The following PNPLA6 variants were observed in gnomAD, a reference collection of about 807,000 sequenced individuals.
The protein encoded by PNPLA6 is patatin like domain 6, lysophospholipase, also known as patatin-like phospholipase domain-containing protein 6.
In PNPLA6, 105 loss-of-function variants were observed where a neutral mutation model predicts 153.7. The observed-to-expected ratio is 0.68, with a 90% confidence interval of 0.58 to 0.80. The LOEUF (loss-of-function observed/expected upper bound fraction) is 0.80, where lower values mean the gene tolerates loss of function less well. Ranked by LOEUF, PNPLA6 falls within the 30% of genes least tolerant of loss-of-function variation. PNPLA6 has a pLI of 0.00. For synonymous variants in PNPLA6, 825 were observed against 822.2 expected, an observed-to-expected ratio of 1.00 and a Z score of -0.06; for missense variants, 1,423 against 1,919.3, an observed-to-expected ratio of 0.74 and a Z score of 4.83.
chr19:7,561,569 C>A lies in PNPLA6; in HGVS notation c.*7C>A. 6.3e-7 allele frequency: 1 copy of A among 1,583,816 alleles called. No individual in the cohort carries two copies. The highest frequency in any genetic ancestry group is 1.8e-5 in the Admixed American group (1 of 57,006). ...CTCAGCCACAGATGCCTGAGGACCTCGACAGGGGTCACCCCCTCCCTCCCA... is the reference window on the plus strand; with the variant it reads ...CTCAGCCACAGATGCCTGAGGACCTAGACAGGGGTCACCCCCTCCCTCCCA... On this transcript the variant is annotated 3_prime_UTR_variant, in exon 32 of 32. Coordinates refer to ENST00000600737, the MANE Select transcript of PNPLA6 (RefSeq NM_001166114.2).
At position 7,541,638 on chromosome 19, in the gene PNPLA6, A is replaced by T. The variant is rs964715857; in HGVS notation, c.1122A>T (p.Pro374=). ...CTACAGACGAGCCCAGGGAGACCCC[A>T]GGGCGGCCACCCGATCCCACCGGGG... ...TSATDEPRET[P]GRPPDPTGAP... Residue 374 remains proline (P), a synonymous_variant, in exon 9 of 32, where the codon CCA becomes CCT. Coordinates refer to ENST00000600737, the MANE Select transcript of PNPLA6 (RefSeq NM_001166114.2). The surrounding 1 kb of genome is among the most constrained non-coding windows in gnomAD (Gnocchi z 5.2). 6.3e-7 allele frequency: 1 copy of T among 1,586,798 alleles called. No homozygotes were observed. Among genetic ancestry groups the T allele is most frequent in the Non-Finnish European group, 8.6e-7 (1 of 1,167,464 alleles).
chr19:7,534,255 C>T (rs2022738022), upstream of PNPLA6: 9 of 300,550 alleles, frequency 3.0e-5, no homozygotes, highest in South Asian at 2.8e-4. Flanking sequence ...TCTGGGTTTC[C>T]GTTAGCCTCG....
rs1184799907 is a variant in PNPLA6 at position 7,536,282 on chromosome 19, G to T, written c.315+9G>T. On this transcript the variant is annotated intron_variant, in intron 2 of 31. Coordinates refer to ENST00000600737, the MANE Select transcript of PNPLA6 (RefSeq NM_001166114.2). ...GGAAGATTATGCGGAAGGTGAGTCC[G>T]GGACCCCTGGGGTCCGCCCTGACCA... 9 of 1,604,820 alleles carry T rather than the reference G, an allele frequency of 5.6e-6. No homozygotes were observed. Among genetic ancestry groups the T allele is most frequent in the Non-Finnish European group, 7.7e-6 (9 of 1,171,664 alleles).
In PNPLA6 at chr19:7,541,320, C is replaced by G. The variant is rs1221413825; in HGVS notation, c.925-34C>G. 6.3e-7 allele frequency: 1 copy of G among 1,593,576 alleles called. No individual in the cohort carries two copies. The highest frequency in any genetic ancestry group is 2.2e-5 in the East Asian group (1 of 44,660). On this transcript the variant is annotated intron_variant, in intron 7 of 31. Coordinates refer to ENST00000600737, the MANE Select transcript of PNPLA6 (RefSeq NM_001166114.2). The surrounding 1 kb of genome is among the most constrained non-coding windows in gnomAD (Gnocchi z 5.2). Reference sequence around the variant, plus strand: ...CATCTGGCCCTGCCCCTTACCCCGCCCCATCTTATGGCCACGCCCCTCGAG... The same window carrying G: ...CATCTGGCCCTGCCCCTTACCCCGCGCCATCTTATGGCCACGCCCCTCGAG...
In PNPLA6 at chr19:7,541,733, G is replaced by C. The variant is rs2023153144; in HGVS notation, c.1168+49G>C. 6.5e-7 allele frequency: 1 copy of C among 1,534,332 alleles called. No homozygotes were observed. Among genetic ancestry groups the C allele is most frequent in the Non-Finnish European group, 8.8e-7 (1 of 1,140,574 alleles). Reference sequence around the variant, plus strand: ...CGAGCCCAATCTCCCAGGAAGCCCCGTCTCAGCCGCCAGCCCCTTTTTCAG... The same window carrying C: ...CGAGCCCAATCTCCCAGGAAGCCCCCTCTCAGCCGCCAGCCCCTTTTTCAG... On this transcript the variant is annotated intron_variant, in intron 9 of 31. Coordinates refer to ENST00000600737, the MANE Select transcript of PNPLA6 (RefSeq NM_001166114.2). This position sits in a 1 kb window ranked among gnomAD's most constrained non-coding sequence, Gnocchi z 5.2.
At chr19:7,537,993 G>A (rs1261394735) in intron 3 of PNPLA6, among the ~76,000 whole-genome samples, 1 of 152,000 alleles carries the variant, frequency 6.6e-6, no homozygotes, top group East Asian at 1.9e-4. Flanking sequence ...AGTTCCCCAT[G>A]ATCAGTTGAG....
intron 31 of PNPLA6, 36 bp downstream of exon 31, chr19:7,561,353 C>T: frequency 3.3e-6 from 5 of 1,505,954 alleles, no homozygotes; most frequent in East Asian, 4.6e-5. Flanking sequence ...CTCACATCCC[C>T]CAGAGGGTCA....
rs545950884 is a variant in PNPLA6, at chr19:7,556,890, C to T, written c.3280+166C>T. On this transcript the variant is annotated intron_variant, in intron 26 of 31. Transcript: ENST00000600737. ...CCACCCACTAATGCCCCGGAGACCC[C>T]AGGTACGTCCGTCCTTGGGGGAGGG... The T allele has an allele frequency of 1.3e-5, 9 of 703,494 alleles. No homozygotes were observed. In the East Asian group the frequency reaches 2.4e-4, roughly 19 times the overall value. 43.6% of individuals were successfully genotyped at this position (703,494 alleles called of 1,614,324 possible). A position where few individuals can be genotyped will look rare whatever the true frequency, so the allele number is the denominator to read the frequency against.
intron 20 of PNPLA6, 99 bp downstream of exon 20, chr19:7,554,371 C>T (rs1162791971): frequency 7.7e-7 from 1 of 1,303,276 alleles, no homozygotes; most frequent in East Asian, 2.3e-5. Flanking sequence ...AACCACGGAG[C>T]CTGCGTCTTA....
Position 7,558,764 on chromosome 19 carries a change from G to C in PNPLA6, c.3398-86G>C, listed in dbSNP as rs1005347542. The C allele has an allele frequency of 1.7e-5, 15 of 901,918 alleles. No individual in the cohort carries two copies. In the African/African-American group the frequency reaches 2.5e-4, roughly 15 times the overall value. The allele number at this position is 901,918 out of a possible 1,614,324, so 55.9% of individuals were successfully genotyped here. On this transcript the variant is annotated intron_variant, in intron 27 of 31. Coordinates refer to ENST00000600737, the MANE Select transcript of PNPLA6 (RefSeq NM_001166114.2). ...CTCTTTTTTTTTTGCGTGATCATTT[G>C]CATGATGGCATCTGTGGGACTGGGT...
Position 7,555,443 on chromosome 19 carries a change from G to A in PNPLA6, c.2936+76G>A, listed in dbSNP as rs1156434928. On this transcript the variant is annotated intron_variant, in intron 23 of 31. Transcript: ENST00000600737. This position sits in a 1 kb window ranked among gnomAD's most constrained non-coding sequence, Gnocchi z 6.3. ...GAGCTTCCTGGGAGAAACCGTGGGG[G>A]CGGGGCCTGGGTGTTCGAGGGTGGA... 2.4e-5 allele frequency: 33 copies of A among 1,349,812 alleles called. No homozygotes were observed. The highest frequency in any genetic ancestry group is 4.0e-5 in the Admixed American group (2 of 50,392). 83.6% of individuals were successfully genotyped at this position (1,349,812 alleles called of 1,614,324 possible).
At position 7,541,740 on chromosome 19, in the gene PNPLA6, C is replaced by T. The variant is rs181372137; in HGVS notation, c.1168+56C>T. On this transcript the variant is annotated intron_variant, in intron 9 of 31. Transcript: ENST00000600737. The surrounding 1 kb of genome is among the most constrained non-coding windows in gnomAD (Gnocchi z 5.2). ...AATCTCCCAGGAAGCCCCGTCTCAG[C>T]CGCCAGCCCCTTTTTCAGTTCTGCA... The T allele has an allele frequency of 8.5e-6, 13 of 1,520,478 alleles. No individual in the cohort carries two copies. In the East Asian group the frequency reaches 3.2e-4, roughly 37 times the overall value. 94.2% of individuals were successfully genotyped at this position (1,520,478 alleles called of 1,614,324 possible).
Position 7,535,842 on chromosome 19 carries a change from G to T in PNPLA6, c.54G>T (p.Ala18=), listed in dbSNP as rs1301489176. 3.3e-6 allele frequency: 5 copies of T among 1,537,596 alleles called. No individual in the cohort carries two copies. Among genetic ancestry groups the T allele is most frequent in the Non-Finnish European group, 3.5e-6 (4 of 1,147,090 alleles). The change falls in exon 1 of 32, where the codon GCG becomes GCT. Residue 18 remains alanine, a synonymous_variant. Transcript: ENST00000600737. The surrounding 1 kb of genome is among the most constrained non-coding windows in gnomAD (Gnocchi z 5.0). ...CGAACTCCTCGGGGGCGAAGGTGGCGGAGAGGGATGGGTTCCAGGACGTCC... is the reference window on the plus strand; with the variant it reads ...CGAACTCCTCGGGGGCGAAGGTGGCTGAGAGGGATGGGTTCCAGGACGTCC... ...LATNSSGAKV[A]ERDGFQDVLA... is the part of the protein sequence containing the mutation.
chr19:7,560,540 C>A, intron 28 of PNPLA6, 108 bp from the exon 29 acceptor site: 1 of 801,966 alleles, frequency 1.2e-6, no homozygotes, highest in Non-Finnish European at 2.2e-6. Flanking sequence ...GTCTCAAATG[C>A]AACTCCCCCA....
At position 7,535,944 on chromosome 19, in the gene PNPLA6, G is replaced by T; in HGVS notation, c.156G>T (p.Val52=). 6.3e-7 allele frequency: 1 copy of T among 1,586,496 alleles called. No homozygotes were observed. The highest frequency in any genetic ancestry group is 8.5e-7 in the Non-Finnish European group (1 of 1,171,030). Residue 52 remains valine (V), a synonymous_variant, in exon 1 of 32, where the codon GTG becomes GTT. Transcript: ENST00000600737. This position sits in a 1 kb window ranked among gnomAD's most constrained non-coding sequence, Gnocchi z 5.0. ...PVPFVPQVLG[V]MIGAGVAVVV... is the part of the protein sequence containing the mutation. ...CGTTCGTCCCTCAGGTGCTTGGCGT[G>T]ATGATCGGGGCCGGAGTGGCGGTGG...
intron 16 of PNPLA6, 101 bp from the exon 17 acceptor site, chr19:7,550,893 G>A: frequency 2.0e-6 from 2 of 978,010 alleles, no homozygotes; most frequent in Non-Finnish European, 3.1e-6. Context: ...CACCCCCATT[G>A]CAGGGGAGCC....
At position 7,541,952 on chromosome 19, in the gene PNPLA6, G is replaced by A; in HGVS notation, c.1169-32G>A. 1 of 1,569,812 alleles carries A rather than the reference G, an allele frequency of 6.4e-7. No individual in the cohort carries two copies. Among genetic ancestry groups the A allele is most frequent in the Non-Finnish European group, 8.7e-7 (1 of 1,146,024 alleles). On this transcript the variant is annotated intron_variant, in intron 9 of 31. Coordinates refer to ENST00000600737, the MANE Select transcript of PNPLA6 (RefSeq NM_001166114.2). This position sits in a 1 kb window ranked among gnomAD's most constrained non-coding sequence, Gnocchi z 5.2. ...CTGCTAATCCTCCTAGTGGCTCTGA[G>A]GGGCAGGAGCCTGAACATGTGTCTC... is the stretch of plus-strand genomic sequence containing the variant.
chr19:7,538,372 G>A (rs1238568262), intron 3 of PNPLA6, among the ~76,000 whole-genome samples: 1 of 151,922 alleles, frequency 6.6e-6, no homozygotes, highest in Non-Finnish European at 1.5e-5. Context: ...TGTAGAGATG[G>A]GAGTCTCACT....
upstream of PNPLA6, chr19:7,535,693 G>A (rs947243651): frequency 2.1e-4 from 328 of 1,525,810 alleles, no homozygotes; most frequent in Non-Finnish European, 2.6e-4. This position sits in a 1 kb window ranked among gnomAD's most constrained non-coding sequence, Gnocchi z 5.0. Context: ...GCGTCCGCTC[G>A]GGCGGAACTA....
Sources: allele counts gnomAD v4.1 joint callset (sites outside exome capture counted in the v4.1 genomes callset), GRCh38; gene constraint gnomAD v4.1.1; non-coding constraint Gnocchi (gnomAD v3.1); transcripts MANE v1.5; gene names NCBI Gene and HGNC (gene_info 2026-07-23, HGNC 2026-07-21).